GRB10: variants seen among roughly 807,000 people sequenced by gnomAD.
GRB10 encodes growth factor receptor-bound protein 10.
Under a neutral mutation model 80.9 loss-of-function variants are expected in GRB10, and 20 were observed. That is an observed-to-expected ratio of 0.25 (90% confidence interval 0.17 to 0.36). The LOEUF is 0.36. Among genes scored for constraint, GRB10 ranks in the 10% least tolerant of loss-of-function variants. The pLI is 1.00. For synonymous variants in GRB10, 291 were observed against 291.5 expected, an observed-to-expected ratio of 1.00 and a Z score of 0.02; for missense variants, 548 against 747.7, an observed-to-expected ratio of 0.73 and a Z score of 3.12.
At chr7:50,660,654 G>A (rs1370612537) in intron 7 of GRB10, among the ~76,000 whole-genome samples, 3 of 152,152 alleles carry the variant, frequency 2.0e-5, no homozygotes, top group African/African-American at 7.2e-5. Context: ...GGTGGCTTCC[G>A]TTGGGAGACA....
chr7:50,612,719 C>T (rs757828159), intron 13 of GRB10, 22 bp downstream of exon 13: 4 of 1,575,746 alleles, frequency 2.5e-6, no homozygotes, highest in Non-Finnish European at 3.5e-6. Context: ...GCACTCAACA[C>T]AAACCGCAAG....
intron 7 of GRB10, among the ~76,000 whole-genome samples, chr7:50,658,872 C>T (rs991637388): frequency 6.6e-5 from 10 of 152,200 alleles, no homozygotes; most frequent in South Asian, 2.1e-4. Flanking sequence ...GATGCAAACA[C>T]GGGAACATGC....
At chr7:50,671,240 C>A (rs1178555103) in intron 6 of GRB10, among the ~76,000 whole-genome samples, 7 of 152,148 alleles carry the variant, frequency 4.6e-5, no homozygotes, top group Admixed American at 4.6e-4. Context: ...CATTTCCAAT[C>A]CCTCCCCATG....
intron 4 of GRB10, among the ~76,000 whole-genome samples, chr7:50,713,643 C>T (rs1235232423): frequency 1.6e-5 from 2 of 126,672 alleles, no homozygotes; most frequent in African/African-American, 5.3e-5. Flanking sequence ...CCTCCACCTC[C>T]CCCATCACCT....
Position 50,791,735 on chromosome 7 carries a change from G to A in GRB10, c.-294+1489C>T, listed in dbSNP as rs113161398. 9.7e-3 allele frequency among the ~76,000 whole-genome samples: 1,483 copies of A among 152,330 alleles called. 18 individuals are homozygous for A. Among genetic ancestry groups the A allele is most frequent in the Middle Eastern group, 0.027 (8 of 294 alleles). On this transcript the variant is annotated intron_variant, in intron 1 of 16. Transcript: ENST00000335866. ...CCCTGTAATCTGGGGATTGGCCTGT[G>A]TTGCCCTTCTCTTTCAAGTGCTCCC...
chr7:50,679,291 G>A (rs898808441), intron 5 of GRB10, among the ~76,000 whole-genome samples: 9 of 152,096 alleles, frequency 5.9e-5, no homozygotes, highest in African/African-American at 1.2e-4. Context: ...CATTTGCATC[G>A]GGCTTATAAA....
intron 18 of GRB10, among the ~76,000 whole-genome samples, chr7:50,594,862 T>G (rs2046366222): frequency 6.6e-6 from 1 of 152,128 alleles, no homozygotes; most frequent in African/African-American, 2.4e-5. Flanking sequence ...GGGAGAATGG[T>G]CTTTAGATCC....
chr7:50,601,676 A>C (rs971473387), intron 17 of GRB10, among the ~76,000 whole-genome samples: 1 of 152,186 alleles, frequency 6.6e-6, no homozygotes. Context: ...CAGAGGAAAA[A>C]AAAAACAACA....
intron 17 of GRB10, among the ~76,000 whole-genome samples, chr7:50,596,414 C>T (rs906989112): frequency 1.3e-5 from 2 of 152,190 alleles, no homozygotes; most frequent in Admixed American, 1.3e-4. Flanking sequence ...CTGAATCTCA[C>T]CATGAGTGAG....
At chr7:50,744,737 C>T (rs2153698191) in intron 3 of GRB10, among the ~76,000 whole-genome samples, 1 of 152,262 alleles carries the variant, frequency 6.6e-6, no homozygotes, top group African/African-American at 2.4e-5. Context: ...GGGAGCTTCT[C>T]ACATGGAGAT....
intron 3 of GRB10, among the ~76,000 whole-genome samples, chr7:50,741,178 A>C (rs992782699): frequency 1.3e-5 from 2 of 152,222 alleles, no homozygotes; most frequent in African/African-American, 4.8e-5. Context: ...AACGAGGAAA[A>C]CTAGTTGTTG....
intron 7 of GRB10, among the ~76,000 whole-genome samples, chr7:50,664,045 T>C (rs565380514): frequency 3.9e-5 from 6 of 152,340 alleles, no homozygotes; most frequent in Admixed American, 2.6e-4. Context: ...CCCATGCTCC[T>C]GCTGGCCATG....
chr7:50,775,182 A>AAAAAAAAAAAAAAAAAAG (rs1320410739), intron 2 of GRB10, among the ~76,000 whole-genome samples: 1 of 149,130 alleles, frequency 6.7e-6, no homozygotes, highest in African/African-American at 2.4e-5. Flanking sequence ...AACAAAAAAA[A>AAAAAAAAAAAAAAAAAAG]ACAGTGGAAC....
chr7:50,689,219 T>G (rs1243414981), intron 5 of GRB10, among the ~76,000 whole-genome samples: 2 of 152,164 alleles, frequency 1.3e-5, no homozygotes, highest in Non-Finnish European at 2.9e-5. Flanking sequence ...GGAGTCCCCA[T>G]TCAGGGTGCT....
intron 2 of GRB10, among the ~76,000 whole-genome samples, chr7:50,778,817 T>C (rs1333406382): frequency 2.6e-5 from 4 of 152,228 alleles, no homozygotes; most frequent in African/African-American, 4.8e-5. Context: ...GGTGTTAGCA[T>C]GCACAAGCTC....
chr7:50,661,751 C>T (rs2059297879), intron 7 of GRB10, among the ~76,000 whole-genome samples: 1 of 152,166 alleles, frequency 6.6e-6, no homozygotes, highest in African/African-American at 2.4e-5. Context: ...TCAGTGCGCC[C>T]CACATGTTGC....
intron 2 of GRB10, among the ~76,000 whole-genome samples, chr7:50,772,343 T>A (rs2077065714): frequency 6.6e-6 from 1 of 152,222 alleles, no homozygotes; most frequent in South Asian, 2.1e-4. Context: ...CGTTCTGGTC[T>A]TCTAGACCAC....
In GRB10 at chr7:50,612,034, A is replaced by G. The variant is rs74648609; in HGVS notation, c.1194+707T>C. 6.9e-3 allele frequency among the ~76,000 whole-genome samples: 1,047 copies of G among 152,358 alleles called. 4 individuals carry two copies. Among genetic ancestry groups the G allele is most frequent in the Non-Finnish European group, 0.012 (807 of 68,044 alleles). ...CAAAGTGACTACAGTAAACAGCCCT[A>G]TGAAATCACTCTGGCAACTGGCATG... is the stretch of plus-strand genomic sequence containing the variant. On this transcript the variant is annotated intron_variant, in intron 13 of 18. Transcript: ENST00000401949.
At position 50,619,314 on chromosome 7, in the gene GRB10, C is replaced by T. The variant is rs185961810; in HGVS notation, c.662-29G>A. 81 of 1,313,594 alleles carry T rather than the reference C, an allele frequency of 6.2e-5. 1 individual carries two copies. Among genetic ancestry groups the T allele is most frequent in the African/African-American group, 5.2e-4 (36 of 69,394 alleles). The allele number at this position is 1,313,594 out of a possible 1,614,324, so 81.4% of individuals were successfully genotyped here. The stretch of plus-strand genomic sequence containing the variant: ...CAGGGGCAAAGCATCACGTGTGAGA[C>T]GCAACAGGTGGGAAATTCATGGTAG... On this transcript the variant is annotated intron_variant, in intron 8 of 18. Transcript: ENST00000401949.
Sources: allele counts gnomAD v4.1 joint callset (sites outside exome capture counted in the v4.1 genomes callset), GRCh38; gene constraint gnomAD v4.1.1; transcripts MANE v1.5; gene names NCBI Gene and HGNC (gene_info 2026-07-23, HGNC 2026-07-21).